Variants in CADM1 observed in about 807,000 individuals in gnomAD.
The protein encoded by CADM1 is TSLC-1.
A neutral mutation model predicts 53.1 loss-of-function variants in CADM1; 15 were observed. The observed-to-expected ratio is 0.28, with a 90% CI of 0.19 to 0.44. The LOEUF (loss-of-function observed/expected upper bound fraction) is 0.44. Among genes scored for constraint, CADM1 ranks in the 20% least tolerant of loss-of-function variants. The probability of loss-of-function intolerance (pLI) is 1.00; values close to 1 mark genes in which losing one functional copy is unlikely to be tolerated. For synonymous variants in CADM1, 281 were observed against 243.0 expected, an observed-to-expected ratio of 1.16 and a Z score of -1.45; for missense variants, 434 against 611.3, an observed-to-expected ratio of 0.71 and a Z score of 3.06.
intron 1 of CADM1, among the ~76,000 whole-genome samples, chr11:115,483,243 A>G (rs948414379): frequency 2.0e-5 from 3 of 152,252 alleles, no homozygotes; most frequent in African/African-American, 7.2e-5. Flanking sequence ...AGCAGTTACT[A>G]TGGCCAGACC....
chr11:115,238,695 C>A (rs370103646), intron 2 of CADM1, 43 bp from the exon 3 acceptor site: 2 of 1,592,888 alleles, frequency 1.3e-6, no homozygotes, highest in Admixed American at 1.7e-5. Flanking sequence ...AGAAGGTGGA[C>A]GGACAGTCTA....
At chr11:115,451,587 C>T (rs314476) in intron 1 of CADM1, among the ~76,000 whole-genome samples, 133,206 of 152,252 alleles carry the variant, frequency 0.87, 58,659 homozygotes, top group East Asian at 0.99. Flanking sequence ...GCAGCAACTA[C>T]TGTTATTCAT....
At position 115,183,437 on chromosome 11, in the gene CADM1, T is replaced by C. The variant is rs967367004; in HGVS notation, c.1166-4662A>G. Among the ~76,000 whole-genome samples, 42 of 152,312 alleles carry C rather than the reference T, an allele frequency of 2.8e-4. 1 individual carries two copies. The highest frequency in any genetic ancestry group is 9.9e-4 in the African/African-American group (41 of 41,566). On this transcript the variant is annotated intron_variant, in intron 10 of 11. Coordinates refer to ENST00000331581, the MANE Select transcript of CADM1 (RefSeq NM_001301043.2). ...GCTCTGCTGCCAAAGTGGGGATCCA[T>C]GGATAACTGGAGAGTGGCTAGTACA... is the stretch of plus-strand genomic sequence containing the variant.
At chr11:115,302,010 T>C (rs763393610) in intron 1 of CADM1, among the ~76,000 whole-genome samples, 3 of 151,824 alleles carry the variant, frequency 2.0e-5, no homozygotes, top group Non-Finnish European at 4.4e-5. Context: ...CATGTAAAAA[T>C]GATATCAGGT....
In CADM1 at chr11:115,283,272, A is replaced by G. The variant is rs532740251; in HGVS notation, c.125-42852T>C. On this transcript the variant is annotated intron_variant, in intron 1 of 11. Coordinates refer to ENST00000331581, the MANE Select transcript of CADM1 (RefSeq NM_001301043.2). ...GATCTGTGCCTGGAGAGCCTGAAGT[A>G]TAATTAAATCGATGGGAGCTGAGGA... is the stretch of plus-strand genomic sequence containing the variant. Among the ~76,000 whole-genome samples the G allele has an allele frequency of 9.2e-5, 14 of 152,296 alleles. 1 individual carries two copies. In the South Asian group the frequency reaches 2.3e-3, roughly 25 times the overall value.
Position 115,492,061 on chromosome 11 carries a change from G to A in CADM1, c.124+12210C>T, listed in dbSNP as rs560196477. On this transcript the variant is annotated intron_variant, in intron 1 of 11. Coordinates refer to ENST00000331581, the MANE Select transcript of CADM1 (RefSeq NM_001301043.2). ...GTATACCTATGTAACAAACCTGCAC[G>A]TTGTGCACATGTACCCTAGAACTTA... Among the ~76,000 whole-genome samples the A allele has an allele frequency of 6.6e-5, 10 of 152,180 alleles. No individual in the cohort carries two copies. The East Asian group carries it at 7.7e-4, about 12-fold the overall frequency.
intron 1 of CADM1, among the ~76,000 whole-genome samples, chr11:115,398,226 T>C (rs1257085863): frequency 6.6e-6 from 1 of 152,210 alleles, no homozygotes; most frequent in Non-Finnish European, 1.5e-5. Flanking sequence ...GTGAATAGGC[T>C]CTGATTAAAA....
intron 1 of CADM1, among the ~76,000 whole-genome samples, chr11:115,431,559 TA>T (rs1253536965): frequency 2.6e-5 from 4 of 152,188 alleles, no homozygotes. Context: ...TTATAACTCT[TA>T]GAACAAGGCC....
intron 1 of CADM1, among the ~76,000 whole-genome samples, chr11:115,303,223 T>C (rs1286540968): frequency 2.0e-5 from 3 of 152,058 alleles, no homozygotes; most frequent in African/African-American, 7.2e-5. Flanking sequence ...GAAAGGGGAA[T>C]ACTTTTAAGG....
chr11:115,450,149 A>G (rs545489406), intron 1 of CADM1, among the ~76,000 whole-genome samples: 2 of 152,312 alleles, frequency 1.3e-5, no homozygotes, highest in Admixed American at 1.3e-4. Context: ...TTCAACCACC[A>G]AAAATAAGGT....
At chr11:115,286,721 A>C (rs1943738191) in intron 1 of CADM1, among the ~76,000 whole-genome samples, 1 of 152,166 alleles carries the variant, frequency 6.6e-6, no homozygotes, top group Non-Finnish European at 1.5e-5. Context: ...TCTTTACAGA[A>C]CTACCTCTCC....
intron 1 of CADM1, among the ~76,000 whole-genome samples, chr11:115,423,004 T>A (rs1947796939): frequency 6.6e-6 from 1 of 151,184 alleles, no homozygotes. Context: ...CACAGTAAAA[T>A]ATAAACCTAG....
chr11:115,406,672 C>T (rs907252422), intron 1 of CADM1, among the ~76,000 whole-genome samples: 1 of 150,460 alleles, frequency 6.6e-6, no homozygotes, highest in African/African-American at 2.4e-5. Flanking sequence ...TATGGCCAGG[C>T]GCTGTGGCTC....
intron 8 of CADM1, among the ~76,000 whole-genome samples, chr11:115,200,461 T>C (rs1168751058): frequency 1.3e-5 from 2 of 152,216 alleles, no homozygotes; most frequent in African/African-American, 4.8e-5. Flanking sequence ...TCTGGCTCAT[T>C]ATTTTTGTAG....
At chr11:115,389,403 A>ATAACTTTATT (rs1946778309) in intron 1 of CADM1, among the ~76,000 whole-genome samples, 2 of 152,330 alleles carry the variant, frequency 1.3e-5, no homozygotes, top group African/African-American at 4.8e-5. Context: ...TGGAAATATC[A>ATAACTTTATT]CCTCAATGTG....
intron 1 of CADM1, among the ~76,000 whole-genome samples, chr11:115,308,480 C>T (rs7941543): frequency 1.3e-5 from 2 of 151,978 alleles, no homozygotes; most frequent in Non-Finnish European, 2.9e-5. Flanking sequence ...ACTAGAAAAA[C>T]TTTAAATGAA....
intron 1 of CADM1, among the ~76,000 whole-genome samples, chr11:115,342,800 T>C (rs1276558586): frequency 6.6e-6 from 1 of 152,138 alleles, no homozygotes; most frequent in Non-Finnish European, 1.5e-5. Flanking sequence ...AAAGTCAATA[T>C]AGACAAAGAA....
At chr11:115,379,717 G>T (rs220848) in intron 1 of CADM1, among the ~76,000 whole-genome samples, 41 of 152,252 alleles carry the variant, frequency 2.7e-4, no homozygotes, top group African/African-American at 9.4e-4. Flanking sequence ...ACGTGGTCAT[G>T]CTTCTGCTCA....
At chr11:115,181,200 CTG>C (rs574819722) in intron 10 of CADM1, among the ~76,000 whole-genome samples, 128 of 152,000 alleles carry the variant, frequency 8.4e-4, no homozygotes, top group African/African-American at 3.0e-3. Context: ...GAGAGAGGCT[CTG>C]TGACAAAGAA....
Sources: allele counts gnomAD v4.1 joint callset (sites outside exome capture counted in the v4.1 genomes callset), GRCh38; gene constraint gnomAD v4.1.1; transcripts MANE v1.5; gene names NCBI Gene and HGNC (gene_info 2026-07-23, HGNC 2026-07-21).